ABCA12: variants seen among roughly 807,000 people sequenced by gnomAD.
ABCA12 encodes ATP binding cassette subfamily A member 12.
In ABCA12, 156 loss-of-function variants were observed where a neutral mutation model predicts 293.5. That is an observed-to-expected ratio of 0.53 (90% CI 0.47 to 0.61). The LOEUF (loss-of-function observed/expected upper bound fraction) is 0.61. Among genes scored for constraint, ABCA12 ranks in the 20% least tolerant of loss-of-function variants. The pLI, the probability that ABCA12 is intolerant of heterozygous loss-of-function variation, is 0.00. For synonymous variants in ABCA12, 1,063 were observed against 1,108.0 expected, an observed-to-expected ratio of 0.96 and a Z score of 0.81; for missense variants, 2,797 against 3,090.2, an observed-to-expected ratio of 0.91 and a Z score of 2.25.
In ABCA12 at chr2:214,942,400, T is replaced by G. The variant is rs564957474; in HGVS notation, c.7436+525A>C. Among the ~76,000 whole-genome samples the G allele has an allele frequency of 5.6e-4, 85 of 152,348 alleles. 1 individual carries two copies. The highest frequency in any genetic ancestry group is 5.9e-4 in the Admixed American group (9 of 15,292). Reference sequence around the variant, plus strand: ...TGGATATGTATAAATGCATATACACTCTGGTGTATACAAACTATTAAATTT... The same window carrying G: ...TGGATATGTATAAATGCATATACACGCTGGTGTATACAAACTATTAAATTT... On this transcript the variant is annotated intron_variant, in intron 50 of 52. Transcript: ENST00000272895.
chr2:214,989,467 A>T lies in ABCA12; in HGVS notation c.3695-4T>A. 1 of 1,613,732 alleles carries T rather than the reference A, an allele frequency of 6.2e-7. No individual in the cohort carries two copies. ...TACATATTTTCCCACTGAAGACCTAAAAAGTGAACACAAGTGTTTATTCTT... is the reference window on the plus strand; with the variant it reads ...TACATATTTTCCCACTGAAGACCTATAAAGTGAACACAAGTGTTTATTCTT... On this transcript the variant is annotated splice_polypyrimidine_tract_variant and splice_region_variant and intron_variant, in intron 25 of 52. Transcript: ENST00000272895.
At position 215,112,526 on chromosome 2, in the gene ABCA12, T is replaced by A. The variant is rs575513520; in HGVS notation, c.70-836A>T. 1.4e-3 allele frequency among the ~76,000 whole-genome samples: 206 copies of A among 144,256 alleles called. 1 individual carries two copies. The highest frequency in any genetic ancestry group is 7.1e-3 in the Middle Eastern group (2 of 280). The allele number at this position is 144,256 out of a possible 152,430, so 94.6% of individuals were successfully genotyped here. A position where few individuals can be genotyped will look rare whatever the true frequency, so the allele number is the denominator to read the frequency against. ...TTTTTTGTTTTTTTTTGAGACAGAG[T>A]CTTGCTCTGTCACCCAGGCTGGATC... On this transcript the variant is annotated intron_variant, in intron 1 of 52. Transcript: ENST00000272895.
At chr2:214,974,437 C>A (rs1699462495) in intron 35 of ABCA12, among the ~76,000 whole-genome samples, 2 of 151,986 alleles carry the variant, frequency 1.3e-5, no homozygotes, top group South Asian at 4.2e-4. Flanking sequence ...CTATATAGTG[C>A]AAATGAGAAC....
At chr2:215,052,871 A>G (rs1010160331) in intron 4 of ABCA12, among the ~76,000 whole-genome samples, 1 of 152,114 alleles carries the variant, frequency 6.6e-6, no homozygotes, top group Non-Finnish European at 1.5e-5. Flanking sequence ...CATCACCAAC[A>G]TTATTGCCCA....
intron 9 of ABCA12, among the ~76,000 whole-genome samples, chr2:215,028,438 T>C (rs935510382): frequency 2.0e-5 from 3 of 152,238 alleles, no homozygotes; most frequent in African/African-American, 7.2e-5. Context: ...GTATCCATTT[T>C]ACAAGCGCTC....
chr2:215,007,410 A>T (rs1415144863), intron 19 of ABCA12, among the ~76,000 whole-genome samples: 1 of 152,190 alleles, frequency 6.6e-6, no homozygotes, highest in Admixed American at 6.5e-5. Flanking sequence ...AAAGGAGAGA[A>T]ATCAATAACA....
At chr2:215,054,191 T>C (rs899986537) in intron 4 of ABCA12, among the ~76,000 whole-genome samples, 1 of 152,056 alleles carries the variant, frequency 6.6e-6, no homozygotes, top group Non-Finnish European at 1.5e-5. Context: ...ATATTTCTCA[T>C]CTGTAAAATG....
At chr2:215,074,008 CTT>C (rs976598958) in intron 2 of ABCA12, among the ~76,000 whole-genome samples, 3 of 152,158 alleles carry the variant, frequency 2.0e-5, no homozygotes, top group African/African-American at 7.2e-5. Flanking sequence ...ACCTGAATAA[CTT>C]TGGTTAATTC....
At position 215,111,671 on chromosome 2, in the gene ABCA12, A is replaced by G. The variant is rs1389443899; in HGVS notation, c.89T>C (p.Ile30Thr). 1 of 1,613,370 alleles carries G rather than the reference A, an allele frequency of 6.2e-7. No homozygotes were observed. The highest frequency in any genetic ancestry group is 1.3e-5 in the African/African-American group (1 of 74,916). The change falls in exon 2 of 53, where the codon ATC becomes ACC. Residue 30 changes from isoleucine (I) to threonine (T), a missense_variant. This residue lies in a region of ABCA12 where 656 missense variants were observed against 638.2 expected (regional missense o/e 1.03). Coordinates refer to ENST00000272895, the MANE Select transcript of ABCA12 (RefSeq NM_173076.3). The part of the protein sequence containing the change: ...KRQPLWTLVL[I>T]LWPVIIFIIL... ...TATGAAAATAATGACTGGCCATAAG[A>G]TCAAGACAAGTGTCCAAAGCTGCAA...
intron 1 of ABCA12, among the ~76,000 whole-genome samples, chr2:215,121,621 T>C (rs1449807585): frequency 6.6e-6 from 1 of 152,114 alleles, no homozygotes; most frequent in Non-Finnish European, 1.5e-5. Flanking sequence ...AATTAGTCTT[T>C]CTGGTTGATA....
At chr2:214,984,132 T>C (rs992165046) in intron 28 of ABCA12, among the ~76,000 whole-genome samples, 2 of 109,556 alleles carry the variant, frequency 1.8e-5, no homozygotes, top group African/African-American at 7.1e-5. Context: ...AGTCTCACTC[T>C]GTCGCCCAGG....
At chr2:214,976,122 TA>T in intron 33 of ABCA12, 85 bp from the exon 34 acceptor site, 3 of 1,529,888 alleles carry the variant, frequency 2.0e-6, no homozygotes, top group Non-Finnish European at 2.7e-6. Flanking sequence ...ATAAATGGTA[TA>T]ATACACTGTG....
chr2:214,933,598 T>C (rs1304060593), intron 52 of ABCA12, among the ~76,000 whole-genome samples: 1 of 144,722 alleles, frequency 6.9e-6, no homozygotes, highest in East Asian at 2.0e-4. Flanking sequence ...AATGCAAATG[T>C]AATTAAGACA....
intron 50 of ABCA12, among the ~76,000 whole-genome samples, chr2:214,941,708 C>CTTCT: frequency 6.6e-6 from 1 of 150,410 alleles, no homozygotes. Context: ...AGGTAATGCC[C>CTTCT]TTCTTTGTCT....
chr2:215,111,514 G>T, intron 2 of ABCA12, 83 bp downstream of exon 2: 1 of 1,168,096 alleles, frequency 8.6e-7, no homozygotes, highest in South Asian at 1.3e-5. Flanking sequence ...AAAAATTTTT[G>T]AAATGAAACA....
At chr2:214,977,015 G>T (rs1467464117) in intron 33 of ABCA12, among the ~76,000 whole-genome samples, 2 of 152,102 alleles carry the variant, frequency 1.3e-5, no homozygotes, top group African/African-American at 4.8e-5. Flanking sequence ...TAGCTGATAA[G>T]AAAAAATACA....
At chr2:214,950,828 A>G (rs543049283) in intron 45 of ABCA12, 51 bp downstream of exon 45, 3 of 1,573,358 alleles carry the variant, frequency 1.9e-6, no homozygotes, top group Non-Finnish European at 2.6e-6. Flanking sequence ...TTAATTTGTC[A>G]CATAGTATGC....
intron 22 of ABCA12, among the ~76,000 whole-genome samples, chr2:215,000,207 C>A (rs749707843): frequency 4.1e-4 from 63 of 152,190 alleles, no homozygotes; most frequent in Non-Finnish European, 8.4e-4. Flanking sequence ...ATGAAAGTTT[C>A]AGGTAGCACA....
chr2:214,947,370 AG>A (rs998513398), intron 48 of ABCA12, 51 bp downstream of exon 48: 6 of 1,610,112 alleles, frequency 3.7e-6, no homozygotes, highest in Middle Eastern at 1.7e-4. Context: ...ACATGCAATC[AG>A]ATATGCTGTT....
Sources: allele counts gnomAD v4.1 joint callset (sites outside exome capture counted in the v4.1 genomes callset), GRCh38; gene constraint gnomAD v4.1.1; regional missense constraint gnomAD v4.1.1; transcripts MANE v1.5; gene names NCBI Gene and HGNC (gene_info 2026-07-23, HGNC 2026-07-21).